The following PTPRM variants were observed in gnomAD, a reference collection of about 807,000 sequenced individuals.
PTPRM encodes receptor-type tyrosine-protein phosphatase mu.
Under a neutral mutation model 186.7 loss-of-function variants are expected in PTPRM, and 47 were observed. The ratio of observed to expected loss-of-function variants is 0.25; its 90% CI spans 0.20 to 0.32. PTPRM has a LOEUF of 0.32. PTPRM is among the 10% of genes least tolerant of loss of function. PTPRM has a pLI of 1.00. For synonymous variants in PTPRM, 668 were observed against 674.9 expected, an observed-to-expected ratio of 0.99 and a Z score of 0.16; for missense variants, 1,494 against 1,865.0, an observed-to-expected ratio of 0.80 and a Z score of 3.66.
At chr18:7,955,686 A>C (rs991073862) in intron 7 of PTPRM, among the ~76,000 whole-genome samples, 1 of 152,154 alleles carries the variant, frequency 6.6e-6, no homozygotes, top group Non-Finnish European at 1.5e-5. Context: ...TCATATAGGA[A>C]TTGTCTGTGA....
Position 7,772,345 on chromosome 18 carries a change from CTTTCTCTTTCTTTCTTTCTT to C in PTPRM, c.74-1802_74-1783del, listed in dbSNP as rs1464519434. On this transcript the variant is annotated intron_variant, in intron 1 of 32. Transcript: ENST00000580170. ...CCTTCGTTCTTTCTTTTCTTTCTTTCTTTCTCTTTCTTTCTTTCTTTCTTTCTTTCTTTCTTTCTTTCTTT... is the reference window on the plus strand; with the variant it reads ...CCTTCGTTCTTTCTTTTCTTTCTTTCTCTTTCTTTCTTTCTTTCTTTCTTT... 9.3e-4 allele frequency among the ~76,000 whole-genome samples: 109 copies of C among 116,590 alleles called. 2 individuals are homozygous for C. Among genetic ancestry groups the C allele is most frequent in the Admixed American group, 7.3e-3 (83 of 11,384 alleles). The allele number at this position is 116,590 out of a possible 152,430, so 76.5% of individuals were successfully genotyped here.
intron 2 of PTPRM, among the ~76,000 whole-genome samples, chr18:7,856,699 A>G (rs1003096672): frequency 1.3e-5 from 2 of 151,062 alleles, no homozygotes; most frequent in Non-Finnish European, 2.9e-5. Flanking sequence ...AGCCATGATC[A>G]TGCCACTGCA....
Position 7,927,491 on chromosome 18 carries a change from G to A in PTPRM, c.663+808G>A, listed in dbSNP as rs578171227. Among the ~76,000 whole-genome samples, 70 of 151,054 alleles carry A rather than the reference G, an allele frequency of 4.6e-4. 1 individual carries two copies. Among genetic ancestry groups the A allele is most frequent in the African/African-American group, 1.7e-3 (70 of 41,154 alleles). On this transcript the variant is annotated intron_variant, in intron 5 of 32. Transcript: ENST00000580170. ...GTGGGTGTGGGTTTTTTTTTTTAAA[G>A]TATTATCTATTTATTTTTAGTTTGC... is the stretch of plus-strand genomic sequence containing the variant.
intron 7 of PTPRM, among the ~76,000 whole-genome samples, chr18:8,027,637 C>A (rs2085653144): frequency 6.6e-6 from 1 of 152,070 alleles, no homozygotes; most frequent in Non-Finnish European, 1.5e-5. Context: ...AAATAACAAA[C>A]CAACATAGAA....
chr18:7,747,750 T>C (rs2041028957), intron 1 of PTPRM: 1 of 152,154 alleles, frequency 6.6e-6, no homozygotes, highest in Non-Finnish European at 1.5e-5. Context: ...TATGTCCTCA[T>C]CTCAACGAAT....
chr18:8,202,697 T>G (rs1376967306), intron 14 of PTPRM, among the ~76,000 whole-genome samples: 1 of 152,114 alleles, frequency 6.6e-6, no homozygotes, highest in Non-Finnish European at 1.5e-5. Flanking sequence ...GTTCCTTACC[T>G]CATCGCAGCT....
rs558906648 is a variant in PTPRM, at chr18:7,612,014, G to A, written c.73+44123G>A. 3.9e-5 allele frequency among the ~76,000 whole-genome samples: 6 copies of A among 152,236 alleles called. No individual in the cohort carries two copies. In the East Asian group the frequency reaches 9.6e-4, roughly 24 times the overall value. On this transcript the variant is annotated intron_variant, in intron 1 of 32. Transcript: ENST00000580170. ...CAATGACAAAATTGTCTAACTATAC[G>A]TTTCTCAGAACGTGTCCCTGTCATT... is the stretch of plus-strand genomic sequence containing the variant.
At chr18:7,846,477 G>A (rs915034353) in intron 2 of PTPRM, among the ~76,000 whole-genome samples, 1 of 152,194 alleles carries the variant, frequency 6.6e-6, no homozygotes, top group Non-Finnish European at 1.5e-5. Flanking sequence ...GTGTTGCTGT[G>A]GCAACTGGTG....
intron 1 of PTPRM, among the ~76,000 whole-genome samples, chr18:7,642,567 A>G (rs1196388832): frequency 1.3e-5 from 2 of 152,198 alleles, no homozygotes; most frequent in Non-Finnish European, 2.9e-5. Context: ...AAATTATTCC[A>G]CAATGTGGGA....
intron 2 of PTPRM, among the ~76,000 whole-genome samples, chr18:7,844,782 A>G (rs72893367): frequency 0.04 from 6,043 of 152,260 alleles, 182 homozygotes; most frequent in Non-Finnish European, 0.065. Flanking sequence ...TTGGTAGTCC[A>G]AAGGTCTATT....
chr18:8,394,277 G>A (rs2148598839), intron 31 of PTPRM, among the ~76,000 whole-genome samples, 199 bp from the exon 32 acceptor site: 1 of 152,308 alleles, frequency 6.6e-6, no homozygotes, highest in South Asian at 2.1e-4. Context: ...CTGCAGTCAG[G>A]TGACCTGTGG....
chr18:7,785,515 G>A (rs1317685983), intron 2 of PTPRM, among the ~76,000 whole-genome samples: 10 of 152,118 alleles, frequency 6.6e-5, no homozygotes, highest in African/African-American at 1.2e-4. Flanking sequence ...GGAAGTGTGC[G>A]TTTATTACTT....
intron 1 of PTPRM, among the ~76,000 whole-genome samples, chr18:7,716,090 A>C (rs1016579679): frequency 7.9e-5 from 12 of 152,190 alleles, no homozygotes; most frequent in African/African-American, 2.9e-4. Flanking sequence ...TGGAGGGATC[A>C]CGCTACCTGA....
chr18:7,790,614 A>C (rs2043295820), intron 2 of PTPRM, among the ~76,000 whole-genome samples: 1 of 152,208 alleles, frequency 6.6e-6, no homozygotes, highest in Non-Finnish European at 1.5e-5. Context: ...TTTTACGAGT[A>C]TTAAAGAGGA....
rs138104577 is a variant in PTPRM, at chr18:7,974,462, A to G, written c.1132+19048A>G. Among the ~76,000 whole-genome samples the G allele has an allele frequency of 8.2e-3, 1,255 of 152,322 alleles. 8 individuals carry two copies. The highest frequency in any genetic ancestry group is 0.033 in the South Asian group (160 of 4,824). On this transcript the variant is annotated intron_variant, in intron 7 of 32. Coordinates refer to ENST00000580170, the MANE Select transcript of PTPRM (RefSeq NM_001105244.2). ...CAACATAAATATTAGGTCAGACAGG[A>G]GCATCACAAATAAATGGTTTTAATC...
At position 7,752,263 on chromosome 18, in the gene PTPRM, A is replaced by G. The variant is rs1052489660; in HGVS notation, c.74-21886A>G. ...TGTGTGTTTGTGTCTTCGGGATCTGATCATCTTTGAGGTATGATTCTGAAT... is the reference window on the plus strand; with the variant it reads ...TGTGTGTTTGTGTCTTCGGGATCTGGTCATCTTTGAGGTATGATTCTGAAT... On this transcript the variant is annotated intron_variant, in intron 1 of 32. Coordinates refer to ENST00000580170, the MANE Select transcript of PTPRM (RefSeq NM_001105244.2). Among the ~76,000 whole-genome samples, 11 of 152,258 alleles carry G rather than the reference A, an allele frequency of 7.2e-5. No homozygotes were observed. In the East Asian group the frequency reaches 2.1e-3, roughly 29 times the overall value.
In PTPRM at chr18:8,129,040, A is replaced by G. The variant is rs477520; in HGVS notation, c.2167+14213A>G. On this transcript the variant is annotated intron_variant, in intron 13 of 32. Coordinates refer to ENST00000580170, the MANE Select transcript of PTPRM (RefSeq NM_001105244.2). ...AATTTTGACGTTAATTTGGTGTATT[A>G]CGCATATCCAAAAAGAATACTGAAA... is the stretch of plus-strand genomic sequence containing the variant. Among the ~76,000 whole-genome samples, 700 of 152,290 alleles carry G rather than the reference A, an allele frequency of 4.6e-3. 5 individuals carry two copies. Among genetic ancestry groups the G allele is most frequent in the Non-Finnish European group, 4.7e-3 (317 of 68,006 alleles).
At chr18:8,369,687 G>T (rs140820842) in intron 23 of PTPRM, among the ~76,000 whole-genome samples, 2,100 of 152,330 alleles carry the variant, frequency 0.014, 18 homozygotes, top group Admixed American at 0.029. Context: ...TGGGCACAGC[G>T]GCCCATGCCT....
At chr18:8,056,784 T>C (rs998010575) in intron 7 of PTPRM, among the ~76,000 whole-genome samples, 1 of 151,492 alleles carries the variant, frequency 6.6e-6, no homozygotes, top group Admixed American at 6.6e-5. Context: ...CTGAACATTG[T>C]TTTTCTTTTG....
Sources: gnomAD v4.1 joint callset for allele counts (sites outside exome capture counted in the v4.1 genomes callset) on GRCh38, gnomAD v4.1.1 for gene constraint, MANE v1.5 for transcripts, NCBI Gene and HGNC (gene_info 2026-07-23, HGNC 2026-07-21) for gene names.